Variants in PRKN observed in about 807,000 individuals in gnomAD.
PRKN encodes the protein E3 ubiquitin-protein ligase parkin.
In PRKN, 56 loss-of-function variants were observed where a neutral mutation model predicts 59.5. That is an observed-to-expected ratio of 0.94 (90% CI 0.76 to 1.18). The LOEUF is 1.18. Ranked by LOEUF, PRKN falls within the 50% of genes most tolerant of loss-of-function variation. PRKN has a pLI of 0.00. For synonymous variants in PRKN, 250 were observed against 222.1 expected (o/e 1.13, Z -1.12); for missense variants, 657 against 596.4 (o/e 1.10, Z -1.06).
intron 7 of PRKN, among the ~76,000 whole-genome samples, chr6:161,594,162 C>CA (rs1218109992): frequency 1.3e-5 from 2 of 151,840 alleles, no homozygotes; most frequent in East Asian, 1.9e-4. Flanking sequence ...GACTCCGTCT[C>CA]AAAAAAACAA....
At chr6:162,069,123 G>A (rs1024368985) in intron 4 of PRKN, among the ~76,000 whole-genome samples, 3 of 152,076 alleles carry the variant, frequency 2.0e-5, no homozygotes, top group Non-Finnish European at 4.4e-5. Flanking sequence ...AACTTGAATT[G>A]TATCTCCCAG....
chr6:162,569,141 G>A (rs1780208009), intron 1 of PRKN: 1 of 627,808 alleles, frequency 1.6e-6, no homozygotes, highest in Non-Finnish European at 2.9e-6. Flanking sequence ...GCCGGGCTGA[G>A]GCTAAGAGCA....
At chr6:161,951,409 T>G (rs1360010701) in intron 6 of PRKN, among the ~76,000 whole-genome samples, 1 of 152,092 alleles carries the variant, frequency 6.6e-6, no homozygotes, top group East Asian at 1.9e-4. Flanking sequence ...TAGCCAGAGA[T>G]TCAGGAAATT....
intron 7 of PRKN, among the ~76,000 whole-genome samples, chr6:161,605,410 C>T (rs1446628543): frequency 6.6e-6 from 1 of 152,098 alleles, no homozygotes; most frequent in African/African-American, 2.4e-5. Context: ...ATGCTCAATG[C>T]AGCATGGCCA....
At chr6:162,052,501 T>C (rs541003175) in intron 5 of PRKN, among the ~76,000 whole-genome samples, 2 of 152,338 alleles carry the variant, frequency 1.3e-5, no homozygotes, top group South Asian at 2.1e-4. Flanking sequence ...TTTCTGATTG[T>C]TAATTTATGT....
intron 7 of PRKN, among the ~76,000 whole-genome samples, chr6:161,660,534 C>A (rs919287638): frequency 3.9e-5 from 6 of 152,152 alleles, no homozygotes; most frequent in Non-Finnish European, 7.4e-5. Context: ...GGTGAGCTGG[C>A]AAGAGAGATG....
intron 9 of PRKN, among the ~76,000 whole-genome samples, chr6:161,403,210 G>A (rs1479159525): frequency 1.3e-5 from 2 of 152,150 alleles, no homozygotes; most frequent in East Asian, 1.9e-4. Context: ...CTGATCATCT[G>A]TAGGGTAGAA....
intron 2 of PRKN, among the ~76,000 whole-genome samples, chr6:162,432,382 T>C (rs1486779252): frequency 1.3e-5 from 2 of 151,932 alleles, no homozygotes; most frequent in East Asian, 3.9e-4. Context: ...AAAAATTAGC[T>C]GGGTGTGTTG....
intron 9 of PRKN, among the ~76,000 whole-genome samples, chr6:161,535,957 A>T (rs1296753353): frequency 1.3e-5 from 2 of 149,998 alleles, no homozygotes; most frequent in Admixed American, 6.6e-5. Context: ...GAACAAAAAG[A>T]TTTTTTTTTT....
Position 161,466,950 on chromosome 6 carries a change from C to G in PRKN, c.1084-80073G>C, listed in dbSNP as rs1234781025. Among the ~76,000 whole-genome samples, 1 of 152,118 alleles carries G rather than the reference C, an allele frequency of 6.6e-6. No homozygotes were observed. Among genetic ancestry groups the G allele is most frequent in the Non-Finnish European group, 1.5e-5 (1 of 68,016 alleles). On this transcript the variant is annotated intron_variant, in intron 9 of 11. Coordinates refer to ENST00000366898, the MANE Select transcript of PRKN (RefSeq NM_004562.3). This position sits in a 1 kb window ranked among gnomAD's most constrained non-coding sequence, Gnocchi z 5.0. The stretch of plus-strand genomic sequence containing the variant: ...CAGAAATAAAATATTCTTTTCAGGG[C>G]AAAGGAATGAAATCTCATCAAGAGG...
chr6:161,875,350 C>T (rs1166038395), intron 6 of PRKN, among the ~76,000 whole-genome samples: 1 of 151,272 alleles, frequency 6.6e-6, no homozygotes, highest in Non-Finnish European at 1.5e-5. Context: ...CGAGCCATCA[C>T]ACCTGGCTAA....
At chr6:162,544,328 T>C (rs73591882) in intron 1 of PRKN, among the ~76,000 whole-genome samples, 2,183 of 152,226 alleles carry the variant, frequency 0.014, 63 homozygotes, top group African/African-American at 0.05. Flanking sequence ...TGCAAAATCA[T>C]GTTACACAGC....
chr6:162,330,639 T>A (rs1045148669), intron 2 of PRKN, among the ~76,000 whole-genome samples: 1 of 152,214 alleles, frequency 6.6e-6, no homozygotes, highest in African/African-American at 2.4e-5. Context: ...AAAAAGAAAC[T>A]AAACAGGTAG....
At chr6:162,019,196 GT>G (rs1231732443) in intron 5 of PRKN, among the ~76,000 whole-genome samples, 8 of 152,096 alleles carry the variant, frequency 5.3e-5, no homozygotes, top group Non-Finnish European at 1.5e-5. Context: ...GACCAACAAG[GT>G]TATTCATGAC....
At chr6:161,939,657 A>G (rs1214420137) in intron 6 of PRKN, among the ~76,000 whole-genome samples, 1 of 150,922 alleles carries the variant, frequency 6.6e-6, no homozygotes, top group African/African-American at 2.4e-5. Flanking sequence ...ATTTGAACTC[A>G]GGAGGCGGAG....
At chr6:162,302,514 G>T (rs535627865) in intron 2 of PRKN, among the ~76,000 whole-genome samples, 1 of 152,080 alleles carries the variant, frequency 6.6e-6, no homozygotes. Flanking sequence ...CTGTGGCACG[G>T]AATGCAGGCA....
intron 6 of PRKN, among the ~76,000 whole-genome samples, chr6:161,903,125 T>C (rs1162424868): frequency 6.6e-6 from 1 of 152,090 alleles, no homozygotes; most frequent in Non-Finnish European, 1.5e-5. Context: ...AGTGTCTAGA[T>C]CTAGTGAGAG....
chr6:162,088,859 T>C (rs1449761710), intron 4 of PRKN, among the ~76,000 whole-genome samples: 1 of 152,142 alleles, frequency 6.6e-6, no homozygotes. Context: ...AAACGGCATA[T>C]GCAAAAGAAT....
chr6:161,782,058 C>A (rs1409184686), intron 7 of PRKN, among the ~76,000 whole-genome samples: 1 of 152,138 alleles, frequency 6.6e-6, no homozygotes, highest in Non-Finnish European at 1.5e-5. Flanking sequence ...AACCCCTCTT[C>A]TAGGGAGCAG....
Sources: allele counts gnomAD v4.1 joint callset (sites outside exome capture counted in the v4.1 genomes callset), GRCh38; gene constraint gnomAD v4.1.1; non-coding constraint Gnocchi (gnomAD v3.1); transcripts MANE v1.5; gene names NCBI Gene and HGNC (gene_info 2026-07-23, HGNC 2026-07-21).